PLEKHG1: variants seen among roughly 807,000 people sequenced by gnomAD.
PLEKHG1 encodes pleckstrin homology domain-containing family G member 1.
In PLEKHG1, 44 loss-of-function variants were observed where a neutral mutation model predicts 100.8. That is an observed-to-expected ratio of 0.44 (90% confidence interval 0.34 to 0.56). The LOEUF is 0.56. Among genes scored for constraint, PLEKHG1 ranks in the 20% least tolerant of loss-of-function variants. The probability of loss-of-function intolerance (pLI) is 0.01; values close to 1 mark genes in which losing one functional copy is unlikely to be tolerated. For missense variants in PLEKHG1, 1,545 were observed against 1,720.9 expected (o/e 0.90, Z 1.81); for synonymous variants, 640 against 662.5 (o/e 0.97, Z 0.52).
chr6:150,832,128 C>T lies in PLEKHG1; in HGVS notation c.3017C>T (p.Ala1006Val), dbSNP rs1012774427. The T allele has an allele frequency of 1.5e-5, 25 of 1,613,712 alleles. No homozygotes were observed. The highest frequency in any genetic ancestry group is 2.0e-5 in the Non-Finnish European group (24 of 1,179,864). The change falls in exon 15 of 16, where the codon GCC becomes GTC. Residue 1006 changes from alanine (A) to valine (V), a missense_variant. Coordinates refer to ENST00000358517, the Ensembl canonical transcript of PLEKHG1. ...AGTCTGGAGCTGGAGCAGCCGCCGG[C>T]CAGTCAGCATCAGAAATCCATGCAC... is the stretch of plus-strand genomic sequence containing the variant.
chr6:150,749,247 A>G (rs940991138), intron 2 of PLEKHG1, among the ~76,000 whole-genome samples: 2 of 152,124 alleles, frequency 1.3e-5, no homozygotes, highest in African/African-American at 4.8e-5. Flanking sequence ...CATACTTGTC[A>G]ATGAAATTTT....
At chr6:150,808,226 CA>C (rs201600504) in intron 7 of PLEKHG1, among the ~76,000 whole-genome samples, 4 of 151,792 alleles carry the variant, frequency 2.6e-5, no homozygotes, top group Admixed American at 1.3e-4. Context: ...AAAATTTTAA[CA>C]AAAAAAGCAC....
At chr6:150,650,882 T>G (rs1449793951) in intron 3 of PLEKHG1, 96 bp downstream of exon 2, 1 of 152,194 alleles carries the variant, frequency 6.6e-6, no homozygotes, top group African/African-American at 2.4e-5. Context: ...TTTGTATAAG[T>G]GTACTCTGTA....
At chr6:150,771,200 G>A (rs1784698796) in intron 3 of PLEKHG1, among the ~76,000 whole-genome samples, 1 of 152,142 alleles carries the variant, frequency 6.6e-6, no homozygotes, top group African/African-American at 2.4e-5. Context: ...ATCACTTGAG[G>A]TCAGGAGTTC....
At chr6:150,713,061 G>A (rs568864290) in intron 3 of PLEKHG1, among the ~76,000 whole-genome samples, 34 of 152,290 alleles carry the variant, frequency 2.2e-4, no homozygotes, top group Middle Eastern at 3.4e-3. Flanking sequence ...CATTCACTGC[G>A]CCCAGCATGG....
intron 3 of PLEKHG1, among the ~76,000 whole-genome samples, chr6:150,716,019 A>T (rs1474068513): frequency 6.7e-6 from 1 of 149,138 alleles, no homozygotes; most frequent in Non-Finnish European, 1.5e-5. Flanking sequence ...GAGGCAGGAG[A>T]ATGGCGTGAA....
intron 10 of PLEKHG1, among the ~76,000 whole-genome samples, chr6:150,815,965 G>A (rs896482758): frequency 2.0e-5 from 3 of 152,138 alleles, no homozygotes; most frequent in African/African-American, 7.2e-5. Flanking sequence ...AGGCTTTTGG[G>A]ATGATGAAAG....
chr6:150,747,297 G>A (rs1207269644), intron 2 of PLEKHG1, among the ~76,000 whole-genome samples: 2 of 152,172 alleles, frequency 1.3e-5, no homozygotes, highest in South Asian at 2.1e-4. Flanking sequence ...TTGCACCTTC[G>A]AAAACTGATC....
At chr6:150,799,744 A>G (rs1786576853) in intron 5 of PLEKHG1, among the ~76,000 whole-genome samples, 1 of 152,232 alleles carries the variant, frequency 6.6e-6, no homozygotes, top group Non-Finnish European at 1.5e-5. Flanking sequence ...CGAAACTTCC[A>G]TTTAACTTCC....
At chr6:150,797,877 A>G (rs1411613916) in intron 5 of PLEKHG1, among the ~76,000 whole-genome samples, 1 of 143,996 alleles carries the variant, frequency 6.9e-6, no homozygotes, top group South Asian at 2.2e-4. Context: ...AAAAGACCCA[A>G]GAAGCTAGAA....
At chr6:150,833,955 G>A (rs1777094584) in intron 15 of PLEKHG1, among the ~76,000 whole-genome samples, 1 of 152,048 alleles carries the variant, frequency 6.6e-6, no homozygotes, top group Non-Finnish European at 1.5e-5. Context: ...GAATAGGAAG[G>A]GCATATCCAA....
At chr6:150,629,228 G>C (rs139115316) in intron 1 of PLEKHG1, among the ~76,000 whole-genome samples, 3 of 152,238 alleles carry the variant, frequency 2.0e-5, no homozygotes, top group African/African-American at 7.2e-5. Context: ...TCAAGGCCTC[G>C]AAGGGACTCT....
chr6:150,831,415 T>C lies in PLEKHG1; in HGVS notation c.2304T>C (p.Phe768=), dbSNP rs1274644535. The change falls in exon 15 of 16, where the codon TTT becomes TTC. Residue 768 remains phenylalanine (F), a synonymous_variant. Coordinates refer to ENST00000358517, the Ensembl canonical transcript of PLEKHG1. The surrounding 1 kb of genome is among the most constrained non-coding windows in gnomAD (Gnocchi z 4.1). ...TAAAGCGTGCAAAGCGGAGCACCTT[T>C]TTGGGTCTGGAGGCCGACTTCGTGT... 1 of 1,614,104 alleles carries C rather than the reference T, an allele frequency of 6.2e-7. No individual in the cohort carries two copies. Among genetic ancestry groups the C allele is most frequent in the East Asian group, 2.2e-5 (1 of 44,868 alleles).
In PLEKHG1 at chr6:150,786,469, G is replaced by A. The variant is rs369417890; in HGVS notation, c.582+10G>A. The A allele has an allele frequency of 6.3e-7, 1 of 1,592,634 alleles. No homozygotes were observed. The highest frequency in any genetic ancestry group is 8.6e-7 in the Non-Finnish European group (1 of 1,161,044). On this transcript the variant is annotated intron_variant, in intron 4 of 15. Coordinates refer to ENST00000358517, the Ensembl canonical transcript of PLEKHG1. ...GTGTTTTGTGTCCAAGGTAAGCAGG[G>A]TTCATCCTTCTGGGCCAACTGAGAC...
intron 3 of PLEKHG1, among the ~76,000 whole-genome samples, chr6:150,668,951 G>C (rs1779493314): frequency 6.6e-6 from 1 of 152,144 alleles, no homozygotes; most frequent in African/African-American, 2.4e-5. Context: ...CAAGTATCTG[G>C]CCGTCATCTT....
intron 6 of PLEKHG1, among the ~76,000 whole-genome samples, chr6:150,803,886 A>G (rs1428179838): frequency 6.6e-6 from 1 of 152,030 alleles, no homozygotes; most frequent in East Asian, 1.9e-4. Flanking sequence ...AGTGAGAACT[A>G]TATTTCTGAG....
chr6:150,840,768 C>T (rs368137222), exon 16 of PLEKHG1: 1 of 1,614,022 alleles, frequency 6.2e-7, no homozygotes, highest in South Asian at 1.1e-5. Context: ...TTCACCATAT[C>T]TGACACCATA....
upstream of PLEKHG1, among the ~76,000 whole-genome samples, chr6:150,717,519 T>C (rs1197748194): frequency 6.6e-6 from 1 of 152,192 alleles, no homozygotes; most frequent in Non-Finnish European, 1.5e-5. Flanking sequence ...CTTTCTGGTC[T>C]TCCTTCAATT....
chr6:150,783,579 G>A (rs6557096), intron 3 of PLEKHG1, among the ~76,000 whole-genome samples: 58,591 of 151,818 alleles, frequency 0.39, 15,388 homozygotes, highest in African/African-American at 0.73. Context: ...TGTGTTGGCC[G>A]TGCTGGTCCC....
Sources: allele counts gnomAD v4.1 joint callset (sites outside exome capture counted in the v4.1 genomes callset), GRCh38; gene constraint gnomAD v4.1.1; non-coding constraint Gnocchi (gnomAD v3.1); transcripts MANE v1.5; gene names NCBI Gene and HGNC (gene_info 2026-07-23, HGNC 2026-07-21).